EFHD2: variants seen among roughly 807,000 people sequenced by gnomAD.
EFHD2 encodes the protein EF-hand domain-containing protein D2.
A neutral mutation model predicts 20.3 loss-of-function variants in EFHD2; 12 were observed. That is an observed-to-expected ratio of 0.59 (90% CI 0.38 to 0.96). EFHD2 has a LOEUF of 0.96. Among genes scored for constraint, EFHD2 ranks in the 40% least tolerant of loss-of-function variants. EFHD2 has a pLI of 0.00. For missense variants in EFHD2, 250 were observed against 334.3 expected (o/e 0.75, Z 1.97); for synonymous variants, 131 against 143.9 (o/e 0.91, Z 0.64).
intron 1 of EFHD2, among the ~76,000 whole-genome samples, chr1:15,422,284 G>C (rs113439622): frequency 6.6e-6 from 1 of 151,536 alleles, no homozygotes; most frequent in Non-Finnish European, 1.5e-5. Flanking sequence ...ATAGAGACAG[G>C]GTTTCACCAT....
chr1:15,417,775 T>C (rs2496320), intron 1 of EFHD2, among the ~76,000 whole-genome samples: 29,875 of 152,046 alleles, frequency 0.2, 4,246 homozygotes, highest in African/African-American at 0.4. Context: ...ACACCCACCC[T>C]GTCCAATTGT....
intron 1 of EFHD2, among the ~76,000 whole-genome samples, chr1:15,412,766 A>G (rs115790242): frequency 0.013 from 1,916 of 152,294 alleles, 33 homozygotes; most frequent in African/African-American, 0.044. Context: ...AGCTGAGGGA[A>G]CAGTCTGGAA....
chr1:15,429,750 CT>C lies in EFHD2; in HGVS notation c.*1027del, dbSNP rs1310987871. The C allele has an allele frequency of 2.0e-5, 3 of 152,810 alleles. No individual in the cohort carries two copies. Among genetic ancestry groups the C allele is most frequent in the Non-Finnish European group, 4.4e-5 (3 of 68,158 alleles). The allele number at this position is 152,810 out of a possible 1,614,324, so 9.5% of individuals were successfully genotyped here. A position where few individuals can be genotyped will look rare whatever the true frequency, so the allele number is the denominator to read the frequency against. On this transcript the variant is annotated 3_prime_UTR_variant, in exon 4 of 4. Transcript: ENST00000375980. ...CACTGCCTTGTCACCAGCGACCTGC[CT>C]GTCATGCCCACCCCCTGAGGAAGCA... is the stretch of plus-strand genomic sequence containing the variant.
intron 1 of EFHD2, among the ~76,000 whole-genome samples, chr1:15,418,511 T>A (rs183760399): frequency 3.3e-5 from 5 of 150,724 alleles, no homozygotes; most frequent in Admixed American, 1.3e-4. Context: ...TTCACCGTGT[T>A]AGCCAGGATG....
At chr1:15,414,039 C>G (rs1035039141) in intron 1 of EFHD2, among the ~76,000 whole-genome samples, 1 of 152,206 alleles carries the variant, frequency 6.6e-6, no homozygotes, top group Admixed American at 6.5e-5. Context: ...CACCCCTGGG[C>G]TGACAACAGC....
At chr1:15,411,959 G>C (rs1208565978) in intron 1 of EFHD2, among the ~76,000 whole-genome samples, 1 of 152,130 alleles carries the variant, frequency 6.6e-6, no homozygotes, top group Admixed American at 6.5e-5. Flanking sequence ...AAGGATTTCT[G>C]GTTCCCAGTT....
intron 1 of EFHD2, among the ~76,000 whole-genome samples, chr1:15,417,629 G>A: frequency 6.6e-6 from 1 of 152,218 alleles, no homozygotes; most frequent in Non-Finnish European, 1.5e-5. Context: ...AAGAGATCAA[G>A]TGTGAGATTC....
intron 3 of EFHD2, chr1:15,427,795 G>T (rs536034180): frequency 4.9e-6 from 2 of 409,146 alleles, no homozygotes; most frequent in Non-Finnish European, 1.0e-5. Flanking sequence ...CAGCTCTCCC[G>T]CCTTGTTTCT....
chr1:15,428,763 T>C lies in EFHD2; in HGVS notation c.*39T>C, dbSNP rs1048481001. 6.4e-7 allele frequency: 1 copy of C among 1,554,966 alleles called. No homozygotes were observed. The highest frequency in any genetic ancestry group is 8.7e-7 in the Non-Finnish European group (1 of 1,149,938). Reference sequence around the variant, plus strand: ...CGACCGCCCTGCTCCGGCCCCAGTGTGGTGGGCGAGGGTGGCGCATGGGAG... The same window carrying C: ...CGACCGCCCTGCTCCGGCCCCAGTGCGGTGGGCGAGGGTGGCGCATGGGAG... On this transcript the variant is annotated 3_prime_UTR_variant, in exon 4 of 4. Coordinates refer to ENST00000375980, the MANE Select transcript of EFHD2 (RefSeq NM_024329.6).
intron 1 of EFHD2, among the ~76,000 whole-genome samples, chr1:15,423,325 C>G (rs995827178): frequency 6.6e-6 from 1 of 152,198 alleles, no homozygotes; most frequent in Non-Finnish European, 1.5e-5. Flanking sequence ...GCCGCAGGAC[C>G]CTGTGTTCCC....
At chr1:15,416,416 A>G (rs1309635551) in intron 1 of EFHD2, among the ~76,000 whole-genome samples, 1 of 152,184 alleles carries the variant, frequency 6.6e-6, no homozygotes, top group Non-Finnish European at 1.5e-5. Flanking sequence ...CTGCCGGGCA[A>G]CCTTCTCCTT....
chr1:15,427,046 T>C, intron 2 of EFHD2, 104 bp from the exon 3 acceptor site: 4 of 1,464,412 alleles, frequency 2.7e-6, no homozygotes, highest in Non-Finnish European at 3.7e-6. Flanking sequence ...CCCCAGTCCT[T>C]CTCTGCAGGG....
chr1:15,420,569 G>C (rs1198496150), intron 1 of EFHD2, among the ~76,000 whole-genome samples: 1 of 151,820 alleles, frequency 6.6e-6, no homozygotes, highest in African/African-American at 2.4e-5. Flanking sequence ...ACCCAGGCTG[G>C]AGTGCAGTGG....
At chr1:15,427,044 C>T in intron 2 of EFHD2, 106 bp from the exon 3 acceptor site, 1 of 1,459,128 alleles carries the variant, frequency 6.9e-7, no homozygotes, top group Non-Finnish European at 9.2e-7. Flanking sequence ...CCCCCCAGTC[C>T]TTCTCTGCAG....
chr1:15,427,269 C>G lies in EFHD2; in HGVS notation c.576C>G (p.Ser192Arg), dbSNP rs557352687. ...GTGAGGGTGTCAAGGGGGCCAAGAG[C>G]TTCTTTGAGGCCAAGGTGAGGAGCC... is the stretch of plus-strand genomic sequence containing the variant. ...VSSEGVKGAKSFFEAKVQAIN... is the reference protein window; with the variant it reads ...VSSEGVKGAKRFFEAKVQAIN... The change falls in exon 3 of 4, where the codon AGC (serine) becomes AGG (arginine). Residue 192 changes from serine to arginine, a missense_variant. By Grantham distance (110) the Ser-to-Arg change is moderately radical. Coordinates refer to ENST00000375980, the MANE Select transcript of EFHD2 (RefSeq NM_024329.6). The G allele has an allele frequency of 1.2e-6, 2 of 1,606,874 alleles. No individual in the cohort carries two copies. Among genetic ancestry groups the G allele is most frequent in the South Asian group, 2.2e-5 (2 of 89,356 alleles).
At position 15,410,298 on chromosome 1, in the gene EFHD2, C is replaced by A. The variant is rs758939232; in HGVS notation, c.308+19C>A. ...TCAAGCAGTAAGTGCCCGCGCGACC[C>A]GGCCCCCCGCCCGCCCCGCGACCCG... On this transcript the variant is annotated intron_variant, in intron 1 of 3. Coordinates refer to ENST00000375980, the MANE Select transcript of EFHD2 (RefSeq NM_024329.6). The A allele has an allele frequency of 1.3e-6, 2 of 1,572,132 alleles. No individual in the cohort carries two copies. The highest frequency in any genetic ancestry group is 2.5e-5 in the East Asian group (1 of 40,494).
At chr1:15,417,697 T>G (rs1707700748) in intron 1 of EFHD2, among the ~76,000 whole-genome samples, 1 of 152,202 alleles carries the variant, frequency 6.6e-6, no homozygotes, top group Non-Finnish European at 1.5e-5. Context: ...AGTCAGGCAG[T>G]CTGGGGGTGG....
At chr1:15,417,508 T>C (rs72643662) in intron 1 of EFHD2, among the ~76,000 whole-genome samples, 8,173 of 152,220 alleles carry the variant, frequency 0.054, 308 homozygotes, top group Non-Finnish European at 0.078. Context: ...TCTCCCTCTT[T>C]ATCCTCCGTG....
rs1707589770 is a variant in EFHD2, at chr1:15,413,686, G to A, written c.308+3407G>A. The stretch of plus-strand genomic sequence containing the variant: ...CCCATTTGACAGAAGAGGGAACCAA[G>A]ACCCAGAAAGATGTGGCGGTGACTT... On this transcript the variant is annotated intron_variant, in intron 1 of 3. Coordinates refer to ENST00000375980, the MANE Select transcript of EFHD2 (RefSeq NM_024329.6). The surrounding 1 kb of genome is among the most constrained non-coding windows in gnomAD (Gnocchi z 4.4). Among the ~76,000 whole-genome samples, 2 of 152,194 alleles carry A rather than the reference G, an allele frequency of 1.3e-5. No individual in the cohort carries two copies. Among genetic ancestry groups the A allele is most frequent in the Non-Finnish European group, 2.9e-5 (2 of 68,028 alleles).
Sources: allele counts gnomAD v4.1 joint callset (sites outside exome capture counted in the v4.1 genomes callset), GRCh38; gene constraint gnomAD v4.1.1; non-coding constraint Gnocchi (gnomAD v3.1); transcripts MANE v1.5; gene names NCBI Gene and HGNC (gene_info 2026-07-23, HGNC 2026-07-21).